The following GRID1 variants were observed in gnomAD, a reference collection of about 807,000 sequenced individuals.
GRID1 encodes the protein glutamate receptor ionotropic, delta-1.
A neutral mutation model predicts 98.0 loss-of-function variants in GRID1; 28 were observed. That is an observed-to-expected ratio of 0.29 (90% CI 0.21 to 0.39). GRID1 has a LOEUF of 0.39. Among genes scored for constraint, GRID1 ranks in the 10% least tolerant of loss-of-function variants. GRID1 has a pLI of 1.00. For missense variants in GRID1, 1,111 were observed against 1,340.5 expected, an observed-to-expected ratio of 0.83 and a Z score of 2.67; for synonymous variants, 553 against 538.5, an observed-to-expected ratio of 1.03 and a Z score of -0.37.
intron 13 of GRID1, among the ~76,000 whole-genome samples, chr10:85,644,884 T>C (rs748301171): frequency 1.3e-5 from 2 of 152,258 alleles, no homozygotes; most frequent in Non-Finnish European, 2.9e-5. Flanking sequence ...TGGTCCTGAT[T>C]TGTATTTCAC....
At chr10:85,867,762 C>G (rs572118496) in intron 6 of GRID1, among the ~76,000 whole-genome samples, 1 of 152,254 alleles carries the variant, frequency 6.6e-6, no homozygotes, top group Non-Finnish European at 1.5e-5. Context: ...AGACCCCAGA[C>G]ACTCTGGTGG....
intron 12 of GRID1, among the ~76,000 whole-genome samples, chr10:85,655,167 C>T (rs1025428104): frequency 6.6e-6 from 1 of 152,180 alleles, no homozygotes; most frequent in African/African-American, 2.4e-5. Context: ...CTCTTGCACA[C>T]TCAGGCCTCC....
chr10:86,159,849 G>A (rs538805091), intron 3 of GRID1, among the ~76,000 whole-genome samples: 12 of 152,246 alleles, frequency 7.9e-5, no homozygotes, highest in African/African-American at 2.6e-4. Flanking sequence ...AACCTCAGAG[G>A]ATTCTTACGA....
chr10:86,186,003 T>C (rs1845721003), intron 3 of GRID1, among the ~76,000 whole-genome samples: 1 of 152,216 alleles, frequency 6.6e-6, no homozygotes, highest in South Asian at 2.1e-4. Context: ...AATATTTCTC[T>C]CTTAAATATT....
At chr10:85,608,897 C>T (rs771742702) in intron 15 of GRID1, among the ~76,000 whole-genome samples, 45 of 152,314 alleles carry the variant, frequency 3.0e-4, no homozygotes, top group Non-Finnish European at 5.3e-4. Flanking sequence ...AAGCCATTTG[C>T]TCCTGAGCAT....
At chr10:86,190,156 G>A (rs1374301802) in intron 3 of GRID1, among the ~76,000 whole-genome samples, 1 of 152,112 alleles carries the variant, frequency 6.6e-6, no homozygotes, top group Non-Finnish European at 1.5e-5. Flanking sequence ...CCACCCCCAA[G>A]CAGGTCACAA....
intron 13 of GRID1, among the ~76,000 whole-genome samples, chr10:85,635,304 A>G (rs923926333): frequency 1.3e-5 from 2 of 152,166 alleles, no homozygotes; most frequent in African/African-American, 4.8e-5. Context: ...TCATCACCAA[A>G]CAGAATTAAA....
intron 2 of GRID1, among the ~76,000 whole-genome samples, chr10:86,236,801 T>C (rs1846547109): frequency 6.6e-6 from 1 of 152,142 alleles, no homozygotes; most frequent in Non-Finnish European, 1.5e-5. Flanking sequence ...AAAATGTGCA[T>C]GGCAAATCCT....
chr10:85,887,213 C>A (rs1841129263), intron 5 of GRID1, among the ~76,000 whole-genome samples: 2 of 152,286 alleles, frequency 1.3e-5, no homozygotes, highest in Non-Finnish European at 2.9e-5. Context: ...GCAAGGCAGA[C>A]CAAGGCTCCA....
intron 3 of GRID1, among the ~76,000 whole-genome samples, chr10:86,145,911 C>T (rs976120804): frequency 6.6e-6 from 1 of 152,022 alleles, no homozygotes; most frequent in South Asian, 2.1e-4. Context: ...ACCACGTAGC[C>T]GGTGGAGGCA....
At chr10:86,196,276 G>T (rs1410525717) in intron 3 of GRID1, among the ~76,000 whole-genome samples, 17 of 152,024 alleles carry the variant, frequency 1.1e-4, no homozygotes, top group African/African-American at 3.6e-4. Flanking sequence ...AGGCTTCAGG[G>T]CTCCTAGCAC....
intron 2 of GRID1, among the ~76,000 whole-genome samples, chr10:86,268,021 C>T (rs1847130126): frequency 6.6e-6 from 1 of 152,182 alleles, no homozygotes; most frequent in Non-Finnish European, 1.5e-5. Flanking sequence ...GTGTCATGCA[C>T]AGTCATCTTA....
intron 2 of GRID1, among the ~76,000 whole-genome samples, chr10:86,279,368 G>A (rs1781636765): frequency 6.6e-6 from 1 of 152,152 alleles, no homozygotes; most frequent in Admixed American, 6.5e-5. Flanking sequence ...TATCCCTCAT[G>A]AATTTAGATG....
chr10:86,027,030 T>C (rs914138398), intron 4 of GRID1, among the ~76,000 whole-genome samples: 1 of 152,186 alleles, frequency 6.6e-6, no homozygotes, highest in African/African-American at 2.4e-5. Flanking sequence ...AGAGCTCCAC[T>C]CAGAAGGAGC....
chr10:86,120,434 T>C (rs1010169604), intron 4 of GRID1, among the ~76,000 whole-genome samples: 3 of 152,228 alleles, frequency 2.0e-5, no homozygotes, highest in African/African-American at 4.8e-5. Context: ...TTCTGTATTA[T>C]CGTTGATTGC....
chr10:85,730,146 G>A (rs1287566450), intron 8 of GRID1, among the ~76,000 whole-genome samples: 2 of 152,216 alleles, frequency 1.3e-5, no homozygotes, highest in African/African-American at 2.4e-5. Context: ...TGTGGTGCCA[G>A]CTCCCTCATT....
chr10:86,047,480 G>A (rs1843439925), intron 4 of GRID1, among the ~76,000 whole-genome samples: 1 of 152,214 alleles, frequency 6.6e-6, no homozygotes, highest in Admixed American at 6.5e-5. Flanking sequence ...TTGCTAATAG[G>A]GTGGTGTGTA....
chr10:86,351,928 G>A (rs1397356179), intron 2 of GRID1, among the ~76,000 whole-genome samples: 6 of 152,356 alleles, frequency 3.9e-5, no homozygotes, highest in Middle Eastern at 3.4e-3. Context: ...AGTATCCCAA[G>A]TGTACAGGAA....
chr10:86,043,272 C>A (rs1843373381), intron 4 of GRID1, among the ~76,000 whole-genome samples: 1 of 152,200 alleles, frequency 6.6e-6, no homozygotes, highest in African/African-American at 2.4e-5. Context: ...CCCTTGTCCT[C>A]CATCTTGCCA....
Sources: allele counts gnomAD v4.1 joint callset (sites outside exome capture counted in the v4.1 genomes callset), GRCh38; gene constraint gnomAD v4.1.1; transcripts MANE v1.5; gene names NCBI Gene and HGNC (gene_info 2026-07-23, HGNC 2026-07-21).